PDE4D: variants seen among roughly 807,000 people sequenced by gnomAD.
The protein encoded by PDE4D is phosphodiesterase 4D, also known as 3',5'-cyclic-AMP phosphodiesterase 4D.
Under a neutral mutation model 87.4 loss-of-function variants are expected in PDE4D, and 24 were observed. The ratio of observed to expected loss-of-function variants is 0.27; its 90% CI spans 0.20 to 0.39. The LOEUF (loss-of-function observed/expected upper bound fraction) is 0.39, where lower values mean the gene tolerates loss of function less well. Ranked by LOEUF, PDE4D falls within the 10% of genes least tolerant of loss-of-function variation. The pLI, the probability that PDE4D is intolerant of heterozygous loss-of-function variation, is 1.00. For synonymous variants in PDE4D, 384 were observed against 383.2 expected, an observed-to-expected ratio of 1.00 and a Z score of -0.02; for missense variants, 714 against 1,041.0, an observed-to-expected ratio of 0.69 and a Z score of 4.32.
chr5:59,077,289 C>A (rs1765846826), intron 5 of PDE4D, among the ~76,000 whole-genome samples: 1 of 151,986 alleles, frequency 6.6e-6, no homozygotes, highest in African/African-American at 2.4e-5. Flanking sequence ...AAGGAGTTGT[C>A]CCTAAGGTAC....
At chr5:59,112,864 G>A (rs1373574418) in intron 5 of PDE4D, among the ~76,000 whole-genome samples, 2 of 147,532 alleles carry the variant, frequency 1.4e-5, no homozygotes, top group Middle Eastern at 3.5e-3. Flanking sequence ...GCAGTGGCGC[G>A]ATCTCAGCTC....
chr5:59,294,818 G>A (rs982449754), intron 1 of PDE4D, among the ~76,000 whole-genome samples: 1 of 152,146 alleles, frequency 6.6e-6, no homozygotes, highest in Non-Finnish European at 1.5e-5. Flanking sequence ...TGGCTGTAGA[G>A]GAAACATTTT....
rs1395919389 is a variant in PDE4D at position 60,140,558 on chromosome 5, A to G, written c.42+44999T>C. Among the ~76,000 whole-genome samples, 3 of 152,052 alleles carry G rather than the reference A, an allele frequency of 2.0e-5. No homozygotes were observed. The East Asian group carries it at 5.8e-4, about 29-fold the overall frequency. ...GAGGAAGGAATAAAAGGAGAAAAAAAAAAAAAGAAAGAAATTGTATCCACC... is the reference window on the plus strand; with the variant it reads ...GAGGAAGGAATAAAAGGAGAAAAAAGAAAAAAGAAAGAAATTGTATCCACC... On this transcript the variant is annotated intron_variant, in intron 2 of 16. Transcript: ENST00000502484.
chr5:59,722,806 T>C (rs899431531), intron 1 of PDE4D, among the ~76,000 whole-genome samples: 9 of 152,150 alleles, frequency 5.9e-5, no homozygotes, highest in Non-Finnish European at 1.2e-4. Flanking sequence ...TGAATCTAAC[T>C]GGGCTCAGTA....
intron 1 of PDE4D, among the ~76,000 whole-genome samples, chr5:59,857,712 A>G (rs757288751): frequency 5.3e-5 from 8 of 152,138 alleles, no homozygotes; most frequent in Non-Finnish European, 8.8e-5. Flanking sequence ...CTCTGTTTCT[A>G]AGATTCATAA....
At chr5:59,247,416 GT>G (rs1759069733) in intron 1 of PDE4D, among the ~76,000 whole-genome samples, 1 of 152,130 alleles carries the variant, frequency 6.6e-6, no homozygotes, top group African/African-American at 2.4e-5. Context: ...CCTGCCCATT[GT>G]AACTCAAGAT....
intron 1 of PDE4D, among the ~76,000 whole-genome samples, chr5:60,250,383 T>C (rs1341811626): frequency 2.0e-5 from 3 of 151,734 alleles, no homozygotes; most frequent in Non-Finnish European, 4.4e-5. Flanking sequence ...ATAGTCGGGG[T>C]TGGATTTGTC....
intron 1 of PDE4D, among the ~76,000 whole-genome samples, chr5:60,373,644 C>A (rs553999549): frequency 6.6e-6 from 1 of 152,124 alleles, no homozygotes; most frequent in South Asian, 2.1e-4. Flanking sequence ...AATGGAAAAC[C>A]TAGTGAGAAA....
chr5:59,176,510 G>A (rs1477526920), intron 5 of PDE4D, among the ~76,000 whole-genome samples: 6 of 151,044 alleles, frequency 4.0e-5, no homozygotes, highest in South Asian at 2.1e-4. Flanking sequence ...GCCTCAGATC[G>A]CGCCACTGCA....
chr5:59,921,614 A>G (rs1312689358), intron 3 of PDE4D, among the ~76,000 whole-genome samples: 1 of 152,248 alleles, frequency 6.6e-6, no homozygotes, highest in Admixed American at 6.5e-5. Context: ...CTGTACTCAG[A>G]CAGTATTGAT....
chr5:60,515,869 T>A (rs1425889977), intron 1 of PDE4D, among the ~76,000 whole-genome samples: 1 of 152,244 alleles, frequency 6.6e-6, no homozygotes, highest in Non-Finnish European at 1.5e-5. Flanking sequence ...GAACATTGTT[T>A]CATGACACTT....
rs934380676 is a variant in PDE4D at position 58,975,187 on chromosome 5, C to T, written c.2014-107G>A. ...AAATAAAACACTGAACAGAAGACTA[C>T]TAAACTTAGTTTGGTAAAATTGTCA... On this transcript the variant is annotated intron_variant, in intron 14 of 14. Transcript: ENST00000340635. This position sits in a 1 kb window ranked among gnomAD's most constrained non-coding sequence, Gnocchi z 4.2. 2 of 603,762 alleles carry T rather than the reference C, an allele frequency of 3.3e-6. No homozygotes were observed. Among genetic ancestry groups the T allele is most frequent in the Middle Eastern group, 4.7e-4 (1 of 2,146 alleles). The allele number at this position is 603,762 out of a possible 1,614,324, so 37.4% of individuals were successfully genotyped here.
At chr5:60,108,741 G>C (rs1209463499) in intron 2 of PDE4D, among the ~76,000 whole-genome samples, 4 of 152,006 alleles carry the variant, frequency 2.6e-5, no homozygotes, top group Non-Finnish European at 4.4e-5. Flanking sequence ...ACAAACCTGA[G>C]AAAAACAAGC....
chr5:59,702,126 CTGCTTTTCTTTTTTT>C (rs1752662968), intron 1 of PDE4D, among the ~76,000 whole-genome samples: 1 of 152,056 alleles, frequency 6.6e-6, no homozygotes, highest in Non-Finnish European at 1.5e-5. Context: ...TAATTATTCC[CTGCTTTTCTTTTTTT>C]GAGATGAAGT....
intron 2 of PDE4D, among the ~76,000 whole-genome samples, chr5:60,168,697 T>C (rs549848741): frequency 1.3e-5 from 2 of 152,316 alleles, no homozygotes; most frequent in East Asian, 3.9e-4. Flanking sequence ...CATTATCTAA[T>C]ACAATGTAAA....
chr5:59,665,870 T>A (rs1372214416), intron 1 of PDE4D, among the ~76,000 whole-genome samples: 1 of 152,186 alleles, frequency 6.6e-6, no homozygotes. Context: ...AACCTGGCCC[T>A]CACCAGACAC....
intron 1 of PDE4D, among the ~76,000 whole-genome samples, chr5:59,604,632 G>T (rs574431409): frequency 6.6e-6 from 1 of 152,034 alleles, no homozygotes; most frequent in African/African-American, 2.4e-5. Context: ...CATCACAGAA[G>T]GGGAACTATA....
intron 1 of PDE4D, among the ~76,000 whole-genome samples, chr5:59,399,395 T>A (rs1790143275): frequency 7.2e-6 from 1 of 137,992 alleles, no homozygotes; most frequent in African/African-American, 2.6e-5. Flanking sequence ...TATAGATCAA[T>A]GGAACAGAAC....
Position 60,367,451 on chromosome 5 carries a change from CA to C in PDE4D, c.-90+120490del, listed in dbSNP as rs34724141. On this transcript the variant is annotated intron_variant, in intron 1 of 16. Coordinates refer to the PDE4D transcript ENST00000502484. ...GGACAACAAGAGCGAAACTCCATATCAAAAAAAAAAAAAAATTATACACCAA... is the reference window on the plus strand; with the variant it reads ...GGACAACAAGAGCGAAACTCCATATCAAAAAAAAAAAAAATTATACACCAA... 2.6e-3 allele frequency among the ~76,000 whole-genome samples: 337 copies of C among 131,670 alleles called. 1 individual carries two copies. The highest frequency in any genetic ancestry group is 3.8e-3 in the Middle Eastern group (1 of 262). 86.4% of individuals were successfully genotyped at this position (131,670 alleles called of 152,430 possible).
Sources: gnomAD v4.1 joint callset for allele counts (sites outside exome capture counted in the v4.1 genomes callset) on GRCh38, gnomAD v4.1.1 for gene constraint, Gnocchi (gnomAD v3.1) non-coding constraint, MANE v1.5 for transcripts, NCBI Gene and HGNC (gene_info 2026-07-23, HGNC 2026-07-21) for gene names.